The following GNE variants were observed in gnomAD, a reference collection of about 807,000 sequenced individuals.
The protein encoded by GNE is glucosamine (UDP-N-acetyl)-2-epimerase/N-acetylmannosamine kinase, also known as bifunctional UDP-N-acetylglucosamine 2-epimerase/N-acetylmannosamine kinase.
In GNE, 41 loss-of-function variants were observed where a neutral mutation model predicts 61.8. That is an observed-to-expected ratio of 0.66 (90% CI 0.52 to 0.86). The LOEUF (loss-of-function observed/expected upper bound fraction) is 0.86, where lower values mean the gene tolerates loss of function less well. Ranked by LOEUF, GNE falls within the 40% of genes least tolerant of loss-of-function variation. The probability of loss-of-function intolerance (pLI) is 0.00; values close to 1 mark genes in which losing one functional copy is unlikely to be tolerated. For synonymous variants in GNE, 264 were observed against 326.4 expected (o/e 0.81, Z 2.06); for missense variants, 608 against 909.1 (o/e 0.67, Z 4.26).
rs568921977 is a variant in GNE at position 36,215,825 on chromosome 9, G to A, written c.*1540C>T. On this transcript the variant is annotated 3_prime_UTR_variant, in exon 12 of 12. Coordinates refer to ENST00000642385, the MANE Select transcript of GNE (RefSeq NM_005476.7). The stretch of plus-strand genomic sequence containing the variant: ...GACAGAATCCTGATTCATGGCTCTG[G>A]GCTCTAGGTAAAACTCAAAACTTTA... 6.6e-6 allele frequency: 1 copy of A among 152,568 alleles called. No individual in the cohort carries two copies. The highest frequency in any genetic ancestry group is 1.5e-5 in the Non-Finnish European group (1 of 68,256). 9.5% of individuals were successfully genotyped at this position (152,568 alleles called of 1,614,324 possible).
In GNE at chr9:36,218,142, G is replaced by A. The variant is rs373452809; in HGVS notation, c.1933+41C>T. 3.9e-5 allele frequency: 53 copies of A among 1,359,768 alleles called. No homozygotes were observed. The African/African-American group carries it at 6.8e-4, about 18-fold the overall frequency. The allele number at this position is 1,359,768 out of a possible 1,614,324, so 84.2% of individuals were successfully genotyped here. A position where few individuals can be genotyped will look rare whatever the true frequency, so the allele number is the denominator to read the frequency against. On this transcript the variant is annotated intron_variant, in intron 11 of 11. Coordinates refer to ENST00000642385, the MANE Select transcript of GNE (RefSeq NM_005476.7). This position sits in a 1 kb window ranked among gnomAD's most constrained non-coding sequence, Gnocchi z 4.1. ...CGGGCTGGGCCATATGATATCTGAG[G>A]CCACCCCCTGCAGCACAGCCACCTG...
chr9:36,222,210 A>C (rs1263767873), intron 9 of GNE, among the ~76,000 whole-genome samples: 1 of 151,974 alleles, frequency 6.6e-6, no homozygotes, highest in East Asian at 1.9e-4. Context: ...CGAGGTCAGG[A>C]GATCGAGACC....
chr9:36,217,082 CTAT>C lies in GNE; in HGVS notation c.*280_*282del, dbSNP rs140089561. The stretch of plus-strand genomic sequence containing the variant: ...GCAGAGTTCTAAGAAGGCTTCCTCT[CTAT>C]TATTGTAGCTGCTTTGGCACAGAAA... On this transcript the variant is annotated 3_prime_UTR_variant, in exon 12 of 12. Coordinates refer to ENST00000642385, the MANE Select transcript of GNE (RefSeq NM_005476.7). 11,730 of 471,438 alleles carry C rather than the reference CTAT, an allele frequency of 0.025. 182 individuals carry two copies. Among genetic ancestry groups the C allele is most frequent in the Non-Finnish European group, 0.035 (9,020 of 256,664 alleles). 29.2% of individuals were successfully genotyped at this position (471,438 alleles called of 1,614,324 possible).
chr9:36,276,731 A>T (rs1410156349), intron 1 of GNE, among the ~76,000 whole-genome samples: 1 of 152,226 alleles, frequency 6.6e-6, no homozygotes, highest in Non-Finnish European at 1.5e-5. Flanking sequence ...GCAGCCACAG[A>T]ATGACTAAAC....
At position 36,223,783 on chromosome 9, in the gene GNE, G is replaced by A. The variant is rs140478304; in HGVS notation, c.1282-281C>T. On this transcript the variant is annotated intron_variant, in intron 7 of 11. Coordinates refer to ENST00000642385, the MANE Select transcript of GNE (RefSeq NM_005476.7). Reference sequence around the variant, plus strand: ...TTTTTTTTTTTTGAGATGGCCTCTCGCTCTGTTGCCCAGGCTGGAGCGCTA... The same window carrying A: ...TTTTTTTTTTTTGAGATGGCCTCTCACTCTGTTGCCCAGGCTGGAGCGCTA... Among the ~76,000 whole-genome samples the A allele has an allele frequency of 0.072, 10,815 of 149,714 alleles. 510 individuals are homozygous for A. Among genetic ancestry groups the A allele is most frequent in the South Asian group, 0.19 (916 of 4,756 alleles).
intron 3 of GNE, among the ~76,000 whole-genome samples, chr9:36,237,902 G>A (rs986455924): frequency 1.3e-5 from 2 of 151,778 alleles, no homozygotes; most frequent in Non-Finnish European, 2.9e-5. Context: ...ATCAGTGAGA[G>A]CATACAATGT....
intron 1 of GNE, among the ~76,000 whole-genome samples, chr9:36,257,802 CAAAAAA>C (rs60845805): frequency 6.0e-3 from 150 of 25,204 alleles, no homozygotes; most frequent in East Asian, 0.024. Flanking sequence ...GACTCAGTCT[CAAAAAA>C]AAAAAAAAAA....
Position 36,249,393 on chromosome 9 carries a change from A to G in GNE, c.-38T>C. On this transcript the variant is annotated 5_prime_UTR_variant, in exon 2 of 12. Coordinates refer to ENST00000642385, the MANE Select transcript of GNE (RefSeq NM_005476.7). ...TCGTTTTGAGAGGTTCTTAAAATAG[A>G]GTTCCTGAAATTGCCAAAATAAAAA... 1 of 1,602,708 alleles carries G rather than the reference A, an allele frequency of 6.2e-7. No individual in the cohort carries two copies. Among genetic ancestry groups the G allele is most frequent in the Middle Eastern group, 1.7e-4 (1 of 6,012 alleles).
intron 6 of GNE, among the ~76,000 whole-genome samples, chr9:36,227,999 C>T: frequency 6.9e-6 from 1 of 145,006 alleles, no homozygotes; most frequent in East Asian, 2.0e-4. Context: ...CACCACTGCA[C>T]TCCAGCCTGG....
At chr9:36,275,169 CT>C (rs1387075284) in intron 1 of GNE, among the ~76,000 whole-genome samples, 1 of 152,180 alleles carries the variant, frequency 6.6e-6, no homozygotes, top group Non-Finnish European at 1.5e-5. Context: ...CAAAATTGAG[CT>C]TTCTTCTTCC....
intron 1 of GNE, among the ~76,000 whole-genome samples, chr9:36,271,436 C>T (rs1168087383): frequency 6.6e-6 from 1 of 152,180 alleles, no homozygotes; most frequent in South Asian, 2.1e-4. Flanking sequence ...TGCAGTGGCA[C>T]GATCTCAGCT....
chr9:36,244,042 TA>T (rs1265288184), intron 3 of GNE, among the ~76,000 whole-genome samples: 1 of 151,976 alleles, frequency 6.6e-6, no homozygotes, highest in Non-Finnish European at 1.5e-5. Context: ...CAGATCACTG[TA>T]GCCTCAACTA....
chr9:36,231,019 C>T (rs903043008), intron 5 of GNE, among the ~76,000 whole-genome samples: 25 of 130,052 alleles, frequency 1.9e-4, no homozygotes, highest in African/African-American at 7.1e-4. Context: ...CTGGTGTTTA[C>T]AACTAATTGA....
rs1194939983 is a variant in GNE at position 36,215,796 on chromosome 9, T to G, written c.*1569A>C. ...TTGACACCAATGAAAACACGAATCA[T>G]GTAGACAGAATCCTGATTCATGGCT... On this transcript the variant is annotated 3_prime_UTR_variant, in exon 12 of 12. Coordinates refer to ENST00000642385, the MANE Select transcript of GNE (RefSeq NM_005476.7). The G allele has an allele frequency of 1.3e-5, 2 of 152,492 alleles. No individual in the cohort carries two copies. The highest frequency in any genetic ancestry group is 4.8e-5 in the African/African-American group (2 of 41,462). 9.4% of individuals were successfully genotyped at this position (152,492 alleles called of 1,614,324 possible). A position where few individuals can be genotyped will look rare whatever the true frequency, so the allele number is the denominator to read the frequency against.
intron 1 of GNE, chr9:36,276,785 G>T: frequency 2.4e-6 from 2 of 845,382 alleles, no homozygotes; most frequent in South Asian, 1.6e-5. Context: ...GGATTTGATA[G>T]ATTTAAAACC....
exon 1 of GNE, chr9:36,276,911 A>G (rs1199525593): frequency 6.2e-7 from 1 of 1,612,618 alleles, no homozygotes; most frequent in Non-Finnish European, 8.5e-7. Flanking sequence ...CCTTGAAAGC[A>G]TGACTCCCTC....
At position 36,265,374 on chromosome 9, in the gene GNE, G is replaced by C. The variant is rs557581354; in HGVS notation, c.51+11520C>G. ...CGCCACCATGTTGGGAGCTCTGGGAGCAAGGACCCCCGGTAACATTGTGAT... is the reference window on the plus strand; with the variant it reads ...CGCCACCATGTTGGGAGCTCTGGGACCAAGGACCCCCGGTAACATTGTGAT... On this transcript the variant is annotated intron_variant, in intron 1 of 11. Coordinates refer to the GNE transcript ENST00000396594. 214 of 454,874 alleles carry C rather than the reference G, an allele frequency of 4.7e-4. 3 individuals carry two copies. Among genetic ancestry groups the C allele is most frequent in the South Asian group, 3.2e-3 (209 of 64,490 alleles). 28.2% of individuals were successfully genotyped at this position (454,874 alleles called of 1,614,324 possible). A position where few individuals can be genotyped will look rare whatever the true frequency, so the allele number is the denominator to read the frequency against.
intron 3 of GNE, among the ~76,000 whole-genome samples, chr9:36,245,299 A>G (rs1481595813): frequency 6.6e-6 from 1 of 152,016 alleles, no homozygotes; most frequent in Non-Finnish European, 1.5e-5. Context: ...ATCAAACATA[A>G]AAACACCCAT....
At position 36,229,200 on chromosome 9, in the gene GNE, C is replaced by T. The variant is rs567277816; in HGVS notation, c.983-92G>A. On this transcript the variant is annotated intron_variant, in intron 5 of 11. Coordinates refer to ENST00000642385, the MANE Select transcript of GNE (RefSeq NM_005476.7). ...TCAGTGTACTATGCTCATAATTAGA[C>T]CTGAAATCCAGCTGACTTCAGGTTA... 3.3e-4 allele frequency: 268 copies of T among 810,362 alleles called. 1 individual carries two copies. In the African/African-American group the frequency reaches 3.9e-3, roughly 12 times the overall value. The allele number at this position is 810,362 out of a possible 1,614,324, so 50.2% of individuals were successfully genotyped here.
Sources: allele counts gnomAD v4.1 joint callset (sites outside exome capture counted in the v4.1 genomes callset), GRCh38; gene constraint gnomAD v4.1.1; non-coding constraint Gnocchi (gnomAD v3.1); transcripts MANE v1.5; gene names NCBI Gene and HGNC (gene_info 2026-07-23, HGNC 2026-07-21).